PCDH11X: variants seen among roughly 807,000 people sequenced by gnomAD.
The protein encoded by PCDH11X is protocadherin 11 X-linked.
A neutral mutation model predicts 53.3 loss-of-function variants in PCDH11X; 18 were observed. The ratio of observed to expected loss-of-function variants is 0.34; its 90% CI spans 0.23 to 0.50. The LOEUF is 0.50. Among genes scored for constraint, PCDH11X ranks in the 20% least tolerant of loss-of-function variants. PCDH11X has a pLI of 0.98. For missense variants in PCDH11X, 570 were observed against 1,032.4 expected, an observed-to-expected ratio of 0.55 and a Z score of 6.14; for synonymous variants, 279 against 393.3, an observed-to-expected ratio of 0.71 and a Z score of 3.44.
intron 8 of PCDH11X, among the ~76,000 whole-genome samples, chrX:92,298,668 T>C (rs765941797): frequency 9.0e-6 from 1 of 111,266 alleles, no homozygotes; most frequent in Non-Finnish European, 1.9e-5. Context: ...TAGAATGAGT[T>C]AGGGAAGAGT....
intron 7 of PCDH11X, among the ~76,000 whole-genome samples, chrX:92,243,593 C>A (rs977562967): frequency 5.4e-5 from 6 of 110,576 alleles, no homozygotes; most frequent in Non-Finnish European, 1.1e-4. Flanking sequence ...GGTCATGTGC[C>A]TTTCCATATA....
chrX:92,538,414 G>A (rs1008725201), intron 10 of PCDH11X, among the ~76,000 whole-genome samples: 15 of 109,772 alleles, frequency 1.4e-4, no homozygotes, highest in Non-Finnish European at 2.3e-4. Flanking sequence ...TTTCTTATTC[G>A]TTTTCTGGTT....
intron 6 of PCDH11X, chrX:91,879,912 G>A (rs1939815224): frequency 1.4e-6 from 1 of 707,403 alleles, no homozygotes. Context: ...TTAAGCCAGA[G>A]AATGAAATAT....
chrX:92,590,501 G>A (rs1210006932), intron 10 of PCDH11X, among the ~76,000 whole-genome samples: 3 of 109,945 alleles, frequency 2.7e-5, no homozygotes, highest in African/African-American at 1.0e-4. Context: ...TGACCCACAG[G>A]GCTTGGGCCT....
chrX:91,804,251 G>A (rs1418801354), intron 1 of PCDH11X, among the ~76,000 whole-genome samples: 3 of 110,803 alleles, frequency 2.7e-5, no homozygotes, highest in African/African-American at 9.8e-5. Context: ...ATTTTTTTTG[G>A]TCAGTGAGAA....
At chrX:92,253,002 A>G (rs1337030883) in intron 7 of PCDH11X, among the ~76,000 whole-genome samples, 3 of 111,047 alleles carry the variant, frequency 2.7e-5, no homozygotes, top group Non-Finnish European at 3.8e-5. Flanking sequence ...ACTTGAAACC[A>G]GAATGAAGAT....
chrX:92,600,983 C>T (rs1174993058), intron 10 of PCDH11X, among the ~76,000 whole-genome samples: 3 of 110,967 alleles, frequency 2.7e-5, no homozygotes, highest in Non-Finnish European at 3.8e-5. Context: ...GTAGTCTCTT[C>T]GTTTTGGCCA....
At chrX:91,807,056 G>A (rs1936132031) in intron 1 of PCDH11X, among the ~76,000 whole-genome samples, 1 of 110,445 alleles carries the variant, frequency 9.1e-6, no homozygotes, top group African/African-American at 3.3e-5. Flanking sequence ...AGGTGAACAG[G>A]GGTTGGACAC....
chrX:92,359,343 G>C, intron 8 of PCDH11X, among the ~76,000 whole-genome samples: 1 of 109,256 alleles, frequency 9.2e-6, no homozygotes, highest in Non-Finnish European at 1.9e-5. Flanking sequence ...AGTCTATAAG[G>C]TACTACCTTA....
At chrX:92,476,676 T>C (rs2148669254) in intron 10 of PCDH11X, among the ~76,000 whole-genome samples, 1 of 55,650 alleles carries the variant, frequency 1.8e-5, no homozygotes, top group East Asian at 1.6e-3. Context: ...TAGGGACTTG[T>C]TTGTACTCAT....
chrX:92,128,393 T>C (rs1348647383), intron 6 of PCDH11X, among the ~76,000 whole-genome samples: 2 of 108,195 alleles, frequency 1.8e-5, no homozygotes, highest in African/African-American at 6.8e-5. Context: ...TCTCTCAGCA[T>C]TAGTCTTTTT....
In PCDH11X at chrX:92,342,021, G is replaced by A. The variant is rs2069774425; in HGVS notation, c.3145-45714G>A. Among the ~76,000 whole-genome samples the A allele has an allele frequency of 2.7e-5, 3 of 110,978 alleles. No homozygotes were observed. The South Asian group carries it at 1.1e-3, about 42-fold the overall frequency. On this transcript the variant is annotated intron_variant, in intron 8 of 10. Transcript: ENST00000682573. ...AAACACATAACTCCACTAAAAATAGGCAAAGGACATGAACAGAAAATTCTC... is the reference window on the plus strand; with the variant it reads ...AAACACATAACTCCACTAAAAATAGACAAAGGACATGAACAGAAAATTCTC...
At chrX:92,423,929 G>A (rs1483026548) in intron 9 of PCDH11X, among the ~76,000 whole-genome samples, 2 of 96,698 alleles carry the variant, frequency 2.1e-5, no homozygotes, top group Non-Finnish European at 4.6e-5. Flanking sequence ...GATGCCTCCA[G>A]ATTTGTACTT....
chrX:92,492,155 T>C (rs1398145460), intron 10 of PCDH11X, among the ~76,000 whole-genome samples: 9 of 112,235 alleles, frequency 8.0e-5, no homozygotes, highest in Middle Eastern at 4.6e-3. Flanking sequence ...CTGTGAGCTG[T>C]GATTAATTTG....
At chrX:91,890,402 T>C (rs1419801019) in intron 6 of PCDH11X, among the ~76,000 whole-genome samples, 2 of 110,374 alleles carry the variant, frequency 1.8e-5, no homozygotes, top group African/African-American at 6.5e-5. Flanking sequence ...ATCCTTGTCA[T>C]ATCCAGTACA....
rs770052740 is a variant in PCDH11X, at chrX:92,099,016, C to G, written c.3034-102359C>G. On this transcript the variant is annotated intron_variant, in intron 6 of 10. Coordinates refer to ENST00000682573, the MANE Select transcript of PCDH11X (RefSeq NM_032968.5). ...CTGTGTGTTCCTAAAAGGGTAATGA[C>G]ATGCCATACTGGCCACATCAAGCAT... Among the ~76,000 whole-genome samples, 257 of 112,045 alleles carry G rather than the reference C, an allele frequency of 2.3e-3. 3 individuals are homozygous for G. Among genetic ancestry groups the G allele is most frequent in the African/African-American group, 7.6e-3 (234 of 30,835 alleles).
chrX:91,930,909 A>AAT (rs1168268711), intron 6 of PCDH11X, among the ~76,000 whole-genome samples: 2 of 107,294 alleles, frequency 1.9e-5, no homozygotes, highest in Non-Finnish European at 3.9e-5. Context: ...CTAAGCATAA[A>AAT]ATATATATGT....
chrX:92,219,491 G>A (rs2066812460), intron 7 of PCDH11X, among the ~76,000 whole-genome samples: 1 of 110,044 alleles, frequency 9.1e-6, no homozygotes, highest in African/African-American at 3.3e-5. Flanking sequence ...AACTTACAAG[G>A]GACGTGAAGG....
chrX:92,140,580 T>A (rs1334779423), intron 6 of PCDH11X, among the ~76,000 whole-genome samples: 9 of 111,792 alleles, frequency 8.1e-5, no homozygotes. Flanking sequence ...TAAAGGCCCT[T>A]TTACACCTTT....
Sources: allele counts gnomAD v4.1 joint callset (sites outside exome capture counted in the v4.1 genomes callset), GRCh38; gene constraint gnomAD v4.1.1; transcripts MANE v1.5; gene names NCBI Gene and HGNC (gene_info 2026-07-23, HGNC 2026-07-21).